LRRTM4: variants seen among roughly 807,000 people sequenced by gnomAD.
The protein encoded by LRRTM4 is leucine-rich repeat transmembrane neuronal protein 4.
A neutral mutation model predicts 47.6 loss-of-function variants in LRRTM4; 25 were observed. That is an observed-to-expected ratio of 0.53 (90% CI 0.38 to 0.73). LRRTM4 has a LOEUF of 0.73. LRRTM4 is among the 30% of genes least tolerant of loss of function. The pLI, the probability that LRRTM4 is intolerant of heterozygous loss-of-function variation, is 0.00. For missense variants in LRRTM4, 638 were observed against 713.4 expected, an observed-to-expected ratio of 0.89 and a Z score of 1.20; for synonymous variants, 311 against 269.5, an observed-to-expected ratio of 1.15 and a Z score of -1.51.
intron 3 of LRRTM4, among the ~76,000 whole-genome samples, chr2:76,890,946 G>A (rs901476257): frequency 6.6e-6 from 1 of 151,828 alleles, no homozygotes; most frequent in Admixed American, 6.6e-5. Flanking sequence ...AAAGAGAGAA[G>A]CACAGCCTAA....
At chr2:77,300,362 G>A (rs1157789873) in intron 3 of LRRTM4, among the ~76,000 whole-genome samples, 3 of 152,000 alleles carry the variant, frequency 2.0e-5, no homozygotes, top group Non-Finnish European at 4.4e-5. Flanking sequence ...TTAAACTTTG[G>A]TCAGAGTCCT....
chr2:77,330,632 T>C (rs1670940847), intron 3 of LRRTM4, among the ~76,000 whole-genome samples: 1 of 152,198 alleles, frequency 6.6e-6, no homozygotes, highest in African/African-American at 2.4e-5. Context: ...TATGTGCATA[T>C]GCATGTGTAT....
chr2:77,175,513 T>G (rs1383075831), intron 3 of LRRTM4, among the ~76,000 whole-genome samples: 1 of 152,094 alleles, frequency 6.6e-6, no homozygotes, highest in African/African-American at 2.4e-5. Context: ...GATTGTATCT[T>G]GAGTTAAAAG....
Position 77,519,865 on chromosome 2 carries a change from C to G in LRRTM4, c.5-1G>C. The G allele has an allele frequency of 1.3e-6, 2 of 1,575,806 alleles. No individual in the cohort carries two copies. The highest frequency in any genetic ancestry group is 1.7e-6 in the Non-Finnish European group (2 of 1,161,510). On this transcript the variant is annotated splice_acceptor_variant, in intron 2 of 3. Transcript: ENST00000409884. LOFTEE classifies it high-confidence loss of function. This position sits in a 1 kb window ranked among gnomAD's most constrained non-coding sequence, Gnocchi z 4.6. ...TTCAGCTGCGTAATTAAATGGAAACCTACGATATTAAAAAAAAGACAGATG... is the reference window on the plus strand; with the variant it reads ...TTCAGCTGCGTAATTAAATGGAAACGTACGATATTAAAAAAAAGACAGATG...
chr2:77,301,626 A>G (rs1226698170), intron 3 of LRRTM4, among the ~76,000 whole-genome samples: 1 of 152,238 alleles, frequency 6.6e-6, no homozygotes, highest in Non-Finnish European at 1.5e-5. Flanking sequence ...GAGTTGAACT[A>G]TAATTGCAGT....
At position 77,340,143 on chromosome 2, in the gene LRRTM4, T is replaced by C. The variant is rs371987088; in HGVS notation, c.1551+178175A>G. 5.1e-4 allele frequency among the ~76,000 whole-genome samples: 77 copies of C among 152,072 alleles called. 1 individual carries two copies. The South Asian group carries it at 0.016, about 31-fold the overall frequency. ...TGCATGGAGTAAATTTTCTTTTCAC[T>C]AGGTAATTAGATATGCATCTGTTTG... On this transcript the variant is annotated intron_variant, in intron 3 of 3. Transcript: ENST00000409884.
At chr2:76,951,501 G>A (rs1313878919) in intron 3 of LRRTM4, among the ~76,000 whole-genome samples, 3 of 151,412 alleles carry the variant, frequency 2.0e-5, no homozygotes, top group Non-Finnish European at 3.0e-5. Flanking sequence ...TCTTTTTTTT[G>A]TTTGTTCCAA....
At chr2:77,236,450 A>G (rs1558647003) in intron 3 of LRRTM4, among the ~76,000 whole-genome samples, 1 of 146,678 alleles carries the variant, frequency 6.8e-6, no homozygotes. Context: ...ACAGAATCAT[A>G]TTTTTTTTTT....
intron 3 of LRRTM4, among the ~76,000 whole-genome samples, chr2:76,755,354 G>A (rs1294450770): frequency 6.6e-6 from 1 of 152,038 alleles, no homozygotes; most frequent in Non-Finnish European, 1.5e-5. Context: ...AGTACCTTAA[G>A]CTCAAAAGTT....
intron 3 of LRRTM4, among the ~76,000 whole-genome samples, chr2:77,314,797 T>A (rs1046485248): frequency 6.6e-6 from 1 of 152,192 alleles, no homozygotes; most frequent in Admixed American, 6.5e-5. Context: ...AAACCTTACT[T>A]AGAATTTTAA....
At chr2:77,063,448 T>TA (rs1329076046) in intron 3 of LRRTM4, among the ~76,000 whole-genome samples, 1 of 152,186 alleles carries the variant, frequency 6.6e-6, no homozygotes, top group Non-Finnish European at 1.5e-5. Context: ...TCTCTGTTTC[T>TA]ACCAAATTAC....
intron 3 of LRRTM4, among the ~76,000 whole-genome samples, chr2:77,412,619 C>T (rs1473469055): frequency 6.6e-6 from 1 of 152,162 alleles, no homozygotes; most frequent in Non-Finnish European, 1.5e-5. Flanking sequence ...CGTGTCTGTG[C>T]AATCACAGTC....
intron 3 of LRRTM4, among the ~76,000 whole-genome samples, chr2:77,271,105 G>C (rs551794905): frequency 6.6e-6 from 1 of 151,976 alleles, no homozygotes; most frequent in Non-Finnish European, 1.5e-5. Context: ...TCCCCTCTCC[G>C]CTGACAGCCA....
At chr2:77,166,397 T>A (rs1672886677) in intron 3 of LRRTM4, among the ~76,000 whole-genome samples, 1 of 152,124 alleles carries the variant, frequency 6.6e-6, no homozygotes, top group Admixed American at 6.5e-5. Context: ...TAATTATAGA[T>A]TCAATGTCAT....
At chr2:77,383,263 T>C (rs1673132777) in intron 3 of LRRTM4, among the ~76,000 whole-genome samples, 1 of 152,064 alleles carries the variant, frequency 6.6e-6, no homozygotes, top group South Asian at 2.1e-4. Flanking sequence ...TTAACTAAAA[T>C]TTTCTTGACC....
intron 3 of LRRTM4, among the ~76,000 whole-genome samples, chr2:77,399,060 C>T (rs2103831308): frequency 6.6e-6 from 1 of 151,674 alleles, no homozygotes; most frequent in Admixed American, 6.6e-5. Flanking sequence ...TATGTAAGTC[C>T]CCTCAATAAA....
chr2:77,521,617 AAGCCAAGAGGATC>A, intron 2 of LRRTM4, 38 bp downstream of exon 2: 1 of 1,609,312 alleles, frequency 6.2e-7, no homozygotes, highest in African/African-American at 1.3e-5. Flanking sequence ...TGAGGATAGG[AAGCCAAGAGGATC>A]AGCTTTGCTC....
chr2:76,783,791 A>G (rs1401893135), intron 3 of LRRTM4, among the ~76,000 whole-genome samples: 1 of 152,190 alleles, frequency 6.6e-6, no homozygotes, highest in Non-Finnish European at 1.5e-5. Flanking sequence ...ATCTGAGATC[A>G]GACAAGTAAA....
At chr2:77,146,608 T>C (rs934818979) in intron 3 of LRRTM4, among the ~76,000 whole-genome samples, 4 of 152,194 alleles carry the variant, frequency 2.6e-5, no homozygotes, top group African/African-American at 9.6e-5. Flanking sequence ...TTTTTCATTG[T>C]TGCCAAATTC....
Sources: gnomAD v4.1 joint callset for allele counts (sites outside exome capture counted in the v4.1 genomes callset) on GRCh38, gnomAD v4.1.1 for gene constraint, Gnocchi (gnomAD v3.1) non-coding constraint, MANE v1.5 for transcripts, NCBI Gene and HGNC (gene_info 2026-07-23, HGNC 2026-07-21) for gene names.